LINGO2: variants seen among roughly 807,000 people sequenced by gnomAD.
The protein encoded by LINGO2 is leucine-rich repeat and immunoglobulin-like domain-containing nogo receptor-interacting protein 2.
Under a neutral mutation model 30.6 loss-of-function variants are expected in LINGO2, and 14 were observed. That is an observed-to-expected ratio of 0.46 (90% CI 0.30 to 0.72). The LOEUF (loss-of-function observed/expected upper bound fraction) is 0.72. Ranked by LOEUF, LINGO2 falls within the 30% of genes least tolerant of loss-of-function variation. The probability of loss-of-function intolerance (pLI) is 0.07; values close to 1 mark genes in which losing one functional copy is unlikely to be tolerated. For synonymous variants in LINGO2, 317 were observed against 288.5 expected (o/e 1.10, Z -1.00); for missense variants, 729 against 751.7 (o/e 0.97, Z 0.35).
At chr9:28,322,438 TACACACACACACACAC>T (rs61397051) in intron 3 of LINGO2, among the ~76,000 whole-genome samples, 52,828 of 150,230 alleles carry the variant, frequency 0.35, 10,048 homozygotes, top group Non-Finnish European at 0.44. Context: ...AGGCACTCAG[TACACACACACACACAC>T]ACACACACAC....
chr9:28,151,950 C>T (rs1467874035), intron 4 of LINGO2, among the ~76,000 whole-genome samples: 1 of 152,114 alleles, frequency 6.6e-6, no homozygotes, highest in South Asian at 2.1e-4. Context: ...TGCAATTCCA[C>T]ATAAAATACC....
In LINGO2 at chr9:28,240,602, G is replaced by A. The variant is rs1821748447; in HGVS notation, c.-87+54606C>T. ...ACTGGTTATCTATATGCAGAAGAAT[G>A]AAACTTGATCCCCATCTCTTATCTT... On this transcript the variant is annotated intron_variant, in intron 4 of 5. Transcript: ENST00000379992. Among the ~76,000 whole-genome samples the A allele has an allele frequency of 2.0e-5, 3 of 152,138 alleles. No homozygotes were observed. In the South Asian group the frequency reaches 6.2e-4, roughly 31 times the overall value.
the LINGO2 span, among the ~76,000 whole-genome samples, chr9:28,824,383 G>C: frequency 1.3e-5 from 2 of 152,164 alleles, no homozygotes; most frequent in South Asian, 2.1e-4. Context: ...AATTTAACAA[G>C]TGTGACCTGA....
intron 2 of LINGO2, among the ~76,000 whole-genome samples, chr9:28,376,800 G>T (rs1399239457): frequency 1.3e-5 from 2 of 152,168 alleles, no homozygotes; most frequent in African/African-American, 4.8e-5. Flanking sequence ...GGAGCAGAGA[G>T]TTGAACACAG....
the LINGO2 span, among the ~76,000 whole-genome samples, chr9:28,969,671 A>G: frequency 6.6e-6 from 1 of 152,122 alleles, no homozygotes; most frequent in Non-Finnish European, 1.5e-5. Flanking sequence ...GATAGTGAAA[A>G]GTAACAGGCT....
At chr9:28,060,913 G>A (rs749019728) in intron 4 of LINGO2, among the ~76,000 whole-genome samples, 1 of 151,886 alleles carries the variant, frequency 6.6e-6, no homozygotes, top group African/African-American at 2.4e-5. Flanking sequence ...TTACAGATAC[G>A]CTGTTTCTTC....
the LINGO2 span, among the ~76,000 whole-genome samples, chr9:29,019,908 T>C: frequency 6.6e-6 from 1 of 152,056 alleles, no homozygotes; most frequent in Non-Finnish European, 1.5e-5. Flanking sequence ...TAAGCAACAA[T>C]GCTCAGTGGG....
chr9:28,117,692 C>A (rs1373784191), intron 4 of LINGO2, among the ~76,000 whole-genome samples: 1 of 140,416 alleles, frequency 7.1e-6, no homozygotes, highest in Non-Finnish European at 1.5e-5. Flanking sequence ...GTCCGTCACC[C>A]CTTTCTTTGA....
the LINGO2 span, among the ~76,000 whole-genome samples, chr9:28,837,676 A>ATC: frequency 7.7e-6 from 1 of 129,232 alleles, no homozygotes; most frequent in Non-Finnish European, 1.6e-5. Context: ...ATATATATAT[A>ATC]TATATTTAGG....
intron 5 of LINGO2, among the ~76,000 whole-genome samples, chr9:28,001,654 C>T (rs762257008): frequency 6.6e-6 from 1 of 150,900 alleles, no homozygotes; most frequent in Non-Finnish European, 1.5e-5. Context: ...TAGGACCATT[C>T]GGAAAAGAAA....
chr9:28,486,484 A>G (rs1365566307), intron 1 of LINGO2, among the ~76,000 whole-genome samples: 1 of 152,112 alleles, frequency 6.6e-6, no homozygotes, highest in Non-Finnish European at 1.5e-5. Context: ...TCTCCTGGAA[A>G]TTTTTCCCAG....
intron 4 of LINGO2, among the ~76,000 whole-genome samples, chr9:28,056,721 T>G (rs1426969886): frequency 6.6e-6 from 1 of 152,192 alleles, no homozygotes; most frequent in Non-Finnish European, 1.5e-5. Flanking sequence ...GGCCTGTGGC[T>G]TAAGCTTGAC....
rs910073965 is a variant in LINGO2, at chr9:28,258,263, A to G, written c.-87+36945T>C. On this transcript the variant is annotated intron_variant, in intron 4 of 5. Coordinates refer to ENST00000379992, the Ensembl canonical transcript of LINGO2. ...AGTAAAAATGCTTCCTGAAAAATAT[A>G]TTTTTAATTAAGGGTCATAGGAGAG... 3.3e-5 allele frequency among the ~76,000 whole-genome samples: 5 copies of G among 151,898 alleles called. 1 individual carries two copies. The highest frequency in any genetic ancestry group is 7.4e-5 in the Non-Finnish European group (5 of 67,874).
the LINGO2 span, among the ~76,000 whole-genome samples, chr9:29,092,015 C>T: frequency 3.3e-5 from 5 of 151,806 alleles, no homozygotes; most frequent in Admixed American, 6.6e-5. Flanking sequence ...CCCTTGATGA[C>T]TATAAAAATA....
chr9:28,580,249 A>G (rs1824193460), intron 1 of LINGO2, among the ~76,000 whole-genome samples: 1 of 152,040 alleles, frequency 6.6e-6, no homozygotes, highest in Admixed American at 6.6e-5. Context: ...TAATGTATAA[A>G]TCCAAAACTT....
the LINGO2 span, among the ~76,000 whole-genome samples, chr9:29,139,221 C>T: frequency 1.3e-5 from 2 of 152,060 alleles, no homozygotes; most frequent in Non-Finnish European, 2.9e-5. Context: ...CAGATCATTC[C>T]CTAGACAAGC....
intron 1 of LINGO2, among the ~76,000 whole-genome samples, chr9:28,612,368 T>C (rs1325976542): frequency 2.6e-5 from 4 of 152,194 alleles, no homozygotes; most frequent in Admixed American, 1.3e-4. Context: ...ACATTTTCTT[T>C]ATCCATTCAT....
intron 1 of LINGO2, among the ~76,000 whole-genome samples, chr9:28,659,828 T>C (rs1223531160): frequency 1.3e-5 from 2 of 152,056 alleles, no homozygotes; most frequent in East Asian, 3.9e-4. Flanking sequence ...ATAAAATAAC[T>C]GGTAACTTAC....
chr9:29,036,076 G>A, the LINGO2 span, among the ~76,000 whole-genome samples: 1 of 152,064 alleles, frequency 6.6e-6, no homozygotes, highest in Admixed American at 6.6e-5. Flanking sequence ...AGTCATTTTA[G>A]ACGCTTGCAA....
Sources: allele counts gnomAD v4.1 joint callset (sites outside exome capture counted in the v4.1 genomes callset), GRCh38; gene constraint gnomAD v4.1.1; transcripts MANE v1.5; gene names NCBI Gene and HGNC (gene_info 2026-07-23, HGNC 2026-07-21).